TTC8: variants seen among roughly 807,000 people sequenced by gnomAD.
TTC8 encodes the protein tetratricopeptide repeat protein 8.
A neutral mutation model predicts 72.5 loss-of-function variants in TTC8; 47 were observed. The observed-to-expected ratio is 0.65, with a 90% CI of 0.51 to 0.83. The LOEUF (loss-of-function observed/expected upper bound fraction) is 0.83, where lower values mean the gene tolerates loss of function less well. Ranked by LOEUF, TTC8 falls within the 40% of genes least tolerant of loss-of-function variation. TTC8 has a pLI of 0.00. For synonymous variants in TTC8, 199 were observed against 221.4 expected, an observed-to-expected ratio of 0.90 and a Z score of 0.90; for missense variants, 611 against 623.2, an observed-to-expected ratio of 0.98 and a Z score of 0.21.
intron 14 of TTC8, among the ~76,000 whole-genome samples, chr14:88,876,093 T>A (rs2094956258): frequency 6.6e-6 from 1 of 152,220 alleles, no homozygotes; most frequent in Admixed American, 6.5e-5. Flanking sequence ...CTGCGTCCCT[T>A]GGCAGTGGCA....
In TTC8 at chr14:88,841,680, G is replaced by A. The variant is rs1450251524; in HGVS notation, c.579+166G>A. On this transcript the variant is annotated intron_variant, in intron 6 of 14. Transcript: ENST00000380656. ...TTAGTCTTTGAGTTAATTGAGTTAA[G>A]GAAGGTCAGTCAGAAATAAAGTACA... is the stretch of plus-strand genomic sequence containing the variant. The A allele has an allele frequency of 9.0e-6, 6 of 667,832 alleles. No individual in the cohort carries two copies. The African/African-American group carries it at 1.1e-4, about 12-fold the overall frequency. 41.4% of individuals were successfully genotyped at this position (667,832 alleles called of 1,614,324 possible).
upstream of TTC8, chr14:88,824,565 T>A (rs2094689117): frequency 6.3e-6 from 4 of 633,772 alleles, no homozygotes; most frequent in African/African-American, 1.8e-5. Flanking sequence ...TTCTTTTTCC[T>A]GTTCTCAGGC....
chr14:88,829,795 T>C (rs909125942), intron 1 of TTC8, among the ~76,000 whole-genome samples: 58 of 152,188 alleles, frequency 3.8e-4, no homozygotes, highest in African/African-American at 1.3e-3. Context: ...ATGAAAGACA[T>C]GAAACCAGGG....
chr14:88,867,828 C>T lies in TTC8; in HGVS notation c.910-2231C>T, dbSNP rs544153939. On this transcript the variant is annotated intron_variant, in intron 10 of 14. Transcript: ENST00000380656. ...AGGCTTGAGCCTTCTTTGCATTGGG[C>T]GTTGCCACCTTTGGAAGCTGTAACA... Among the ~76,000 whole-genome samples the T allele has an allele frequency of 9.2e-5, 14 of 152,306 alleles. No individual in the cohort carries two copies. In the South Asian group the frequency reaches 1.2e-3, roughly 14 times the overall value.
chr14:88,847,167 T>G (rs1240113556), intron 7 of TTC8, among the ~76,000 whole-genome samples: 1 of 152,184 alleles, frequency 6.6e-6, no homozygotes, highest in African/African-American at 2.4e-5. Context: ...GCAATGCTAA[T>G]TTTCAGGCAG....
chr14:88,850,223 T>A (rs987958141), intron 7 of TTC8, among the ~76,000 whole-genome samples: 1 of 152,206 alleles, frequency 6.6e-6, no homozygotes, highest in East Asian at 1.9e-4. Flanking sequence ...ACTATGACAA[T>A]TTTGTTTGGT....
At chr14:88,844,191 A>G (rs2094795132) in intron 7 of TTC8, among the ~76,000 whole-genome samples, 6 of 152,224 alleles carry the variant, frequency 3.9e-5, no homozygotes, top group Admixed American at 3.3e-4. Context: ...AGTATATTAT[A>G]GGTTTACTAA....
rs747125124 is a variant in TTC8 at position 88,841,143 on chromosome 14, T to C, written c.436T>C (p.Tyr146His). The change falls in exon 5 of 15, where the codon TAC becomes CAC. Residue 146 changes from tyrosine to histidine, a missense_variant. By Grantham distance (83) the Tyr-to-His change is moderately conservative. Transcript: ENST00000380656. ...EQAIRTPRTA[Y>H]TARPITSSSG... ...GGCTATCAGAACACCCAGAACCGCC[T>C]ACACAGCCCGCCCTATCACCAGCTC... 1.5e-5 allele frequency: 25 copies of C among 1,613,968 alleles called. No individual in the cohort carries two copies. Among genetic ancestry groups the C allele is most frequent in the Non-Finnish European group, 2.0e-5 (24 of 1,180,030 alleles).
At chr14:88,850,058 G>C (rs1475208488) in intron 7 of TTC8, among the ~76,000 whole-genome samples, 4 of 151,968 alleles carry the variant, frequency 2.6e-5, no homozygotes, top group African/African-American at 9.7e-5. Context: ...ATGGCATTCT[G>C]AGCTTTTATT....
chr14:88,827,706 A>T (rs988597043), intron 1 of TTC8, among the ~76,000 whole-genome samples: 1 of 152,186 alleles, frequency 6.6e-6, no homozygotes, highest in East Asian at 1.9e-4. Context: ...TTGTTATTTC[A>T]TGTTGGAAAT....
In TTC8 at chr14:88,839,423, T is replaced by C. The variant is rs1395984889; in HGVS notation, c.145-29T>C. 2.5e-6 allele frequency: 4 copies of C among 1,609,806 alleles called. No homozygotes were observed. The East Asian group carries it at 9.0e-5, about 36-fold the overall frequency. ...TGTAGTATTTCTAATGCTATTTTAATATATGTTTTATTTATCCATGGGTTT... is the reference window on the plus strand; with the variant it reads ...TGTAGTATTTCTAATGCTATTTTAACATATGTTTTATTTATCCATGGGTTT... On this transcript the variant is annotated intron_variant, in intron 2 of 14. Transcript: ENST00000380656.
At chr14:88,855,965 A>AC (rs2094853930) in intron 8 of TTC8, among the ~76,000 whole-genome samples, 1 of 152,208 alleles carries the variant, frequency 6.6e-6, no homozygotes, top group South Asian at 2.1e-4. Context: ...CATGTCAGTA[A>AC]TCCCAGCTAC....
chr14:88,866,305 C>T (rs929120000), intron 10 of TTC8, among the ~76,000 whole-genome samples: 1 of 151,704 alleles, frequency 6.6e-6, no homozygotes, highest in Non-Finnish European at 1.5e-5. Context: ...AGTTGGCATA[C>T]CTGGGACAGA....
At chr14:88,873,977 A>G (rs770404416) in intron 13 of TTC8, among the ~76,000 whole-genome samples, 1 of 152,210 alleles carries the variant, frequency 6.6e-6, no homozygotes, top group Non-Finnish European at 1.5e-5. Flanking sequence ...CCTTTATTGC[A>G]TAAATTCTCC....
intron 7 of TTC8, among the ~76,000 whole-genome samples, chr14:88,844,285 TA>T (rs1256649349): frequency 1.3e-5 from 2 of 152,168 alleles, no homozygotes; most frequent in Non-Finnish European, 2.9e-5. Flanking sequence ...CATACAAAAG[TA>T]GAGGGAATCG....
Position 88,843,811 on chromosome 14 carries a change from G to T in TTC8, c.585G>T (p.Leu195Phe). 6.3e-7 allele frequency: 1 copy of T among 1,594,582 alleles called. No homozygotes were observed. The part of the protein sequence containing the change: ...YSQKPKLAKA[L>F]FEYIFHHEND... The stretch of plus-strand genomic sequence containing the variant: ...TGACACTTTTTTCTTCACAGGCTTT[G>T]TTTGAGTATATCTTTCATCATGAAA... Residue 195 changes from leucine (L) to phenylalanine (F), a missense_variant, in exon 7 of 15, where the codon TTG becomes TTT. Leu to Phe is a conservative substitution (Grantham distance 22). Coordinates refer to ENST00000380656, the MANE Select transcript of TTC8 (RefSeq NM_144596.4).
In TTC8 at chr14:88,847,118, G is replaced by A. The variant is rs1004680364; in HGVS notation, c.624+3268G>A. Among the ~76,000 whole-genome samples, 5 of 152,240 alleles carry A rather than the reference G, an allele frequency of 3.3e-5. No homozygotes were observed. In the East Asian group the frequency reaches 9.6e-4, roughly 29 times the overall value. On this transcript the variant is annotated intron_variant, in intron 7 of 14. Coordinates refer to ENST00000380656, the MANE Select transcript of TTC8 (RefSeq NM_144596.4). ...ACTTCTTGAGTCAGAATCCTCAAGG[G>A]TAGGTGTGGCGAATCTGTTGTTAAT... is the stretch of plus-strand genomic sequence containing the variant.
intron 7 of TTC8, among the ~76,000 whole-genome samples, chr14:88,851,070 A>G (rs1349241590): frequency 6.6e-6 from 1 of 152,188 alleles, no homozygotes; most frequent in East Asian, 1.9e-4. Context: ...TCAGTACATA[A>G]GGATGTTTAA....
At chr14:88,839,381 G>T (rs1213179592) in intron 2 of TTC8, 71 bp from the exon 3 acceptor site, 1 of 1,486,526 alleles carries the variant, frequency 6.7e-7, no homozygotes, top group South Asian at 1.2e-5. Context: ...ATGAAGGATG[G>T]CTATTTCTAT....
Sources: gnomAD v4.1 joint callset for allele counts (sites outside exome capture counted in the v4.1 genomes callset) on GRCh38, gnomAD v4.1.1 for gene constraint, MANE v1.5 for transcripts, NCBI Gene and HGNC (gene_info 2026-07-23, HGNC 2026-07-21) for gene names.